Variants in EIF4G1 observed in about 807,000 individuals in gnomAD.
EIF4G1 encodes eukaryotic translation initiation factor 4 gamma 1.
EIF4G1 carries 4 observed loss-of-function variants against 187.8 expected under a neutral mutation model. That is an observed-to-expected ratio of 0.02 (90% confidence interval 0.01 to 0.05). The LOEUF (loss-of-function observed/expected upper bound fraction) is 0.05, where lower values mean the gene tolerates loss of function less well. EIF4G1 is among the 10% of genes least tolerant of loss of function. The pLI is 1.00. For missense variants in EIF4G1, 1,647 were observed against 2,081.1 expected, an observed-to-expected ratio of 0.79 and a Z score of 4.06; for synonymous variants, 844 against 781.4, an observed-to-expected ratio of 1.08 and a Z score of -1.34.
Position 184,322,525 on chromosome 3 carries a change from G to C in EIF4G1, c.1609-19G>C. ...CAGTGGTCATTCTGCAACCAAAACT[G>C]GATGTTCTGTTGTTCTAGGCGAACC... On this transcript the variant is annotated intron_variant, in intron 11 of 32. Coordinates refer to ENST00000346169, the MANE Select transcript of EIF4G1 (RefSeq NM_198241.3). The C allele has an allele frequency of 1.2e-6, 2 of 1,614,052 alleles. No individual in the cohort carries two copies. Among genetic ancestry groups the C allele is most frequent in the Non-Finnish European group, 1.7e-6 (2 of 1,179,996 alleles).
chr3:184,333,756 G>A (rs1237417771), intron 32 of EIF4G1, among the ~76,000 whole-genome samples: 1 of 152,232 alleles, frequency 6.6e-6, no homozygotes, highest in African/African-American at 2.4e-5. Context: ...TTTATTAGCT[G>A]TAAGATAGTG....
intron 22 of EIF4G1, 50 bp downstream of exon 22, chr3:184,326,679 G>A (rs765007185): frequency 1.9e-6 from 3 of 1,594,562 alleles, no homozygotes; most frequent in Admixed American, 3.3e-5. Context: ...GAGCTCCCTT[G>A]AGGACAGAGC....
In EIF4G1 at chr3:184,325,779, TG is replaced by T; in HGVS notation, c.3122-67del. 1 of 1,612,220 alleles carries T rather than the reference TG, an allele frequency of 6.2e-7. No homozygotes were observed. The highest frequency in any genetic ancestry group is 2.2e-5 in the East Asian group (1 of 44,878). On this transcript the variant is annotated intron_variant, in intron 20 of 32. Coordinates refer to ENST00000346169, the MANE Select transcript of EIF4G1 (RefSeq NM_198241.3). This position sits in a 1 kb window ranked among gnomAD's most constrained non-coding sequence, Gnocchi z 5.2. ...AACTGAGGATCTGAGGAAGGGAGGC[TG>T]GGGGTGGCCCAAGGGGAAGGGGCTG...
At chr3:184,331,629 T>C in intron 30 of EIF4G1, 23 bp downstream of exon 30, 1 of 1,559,488 alleles carries the variant, frequency 6.4e-7, no homozygotes, top group Non-Finnish European at 8.6e-7. Flanking sequence ...TGGATATCGA[T>C]AAAGGAAAGG....
At position 184,325,620 on chromosome 3, in the gene EIF4G1, T is replaced by G; in HGVS notation, c.3102T>G (p.Gly1034=). 4 of 1,614,050 alleles carry G rather than the reference T, an allele frequency of 2.5e-6. No individual in the cohort carries two copies. Among genetic ancestry groups the G allele is most frequent in the Non-Finnish European group, 3.4e-6 (4 of 1,180,008 alleles). The change falls in exon 20 of 33, where the codon GGT becomes GGG. Residue 1034 remains glycine (G), a synonymous_variant. Transcript: ENST00000346169. This position sits in a 1 kb window ranked among gnomAD's most constrained non-coding sequence, Gnocchi z 5.2. ...AGGGCAGTGACAAGCGTCGGGGCGG[T>G]CCTCCAGGCCCTCCCATCAGTGAGT... is the stretch of plus-strand genomic sequence containing the variant. The part of the protein sequence containing the change: ...MAKGSDKRRG[G]PPGPPISRGL...
chr3:184,321,052 C>A lies in EIF4G1; in HGVS notation c.697+59C>A, dbSNP rs1723815077. On this transcript the variant is annotated intron_variant, in intron 9 of 32. Transcript: ENST00000346169. ...GAAAGGGAATGTTAACAGTTAAATGCTGAGGTGGTGGAGTGACTTGAACTG... is the reference window on the plus strand; with the variant it reads ...GAAAGGGAATGTTAACAGTTAAATGATGAGGTGGTGGAGTGACTTGAACTG... 3.8e-6 allele frequency: 6 copies of A among 1,588,474 alleles called. No individual in the cohort carries two copies. The South Asian group carries it at 6.8e-5, about 18-fold the overall frequency.
intron 28 of EIF4G1, among the ~76,000 whole-genome samples, chr3:184,329,755 A>G (rs750894284): frequency 1.7e-4 from 26 of 152,250 alleles, no homozygotes; most frequent in Admixed American, 5.2e-4. Flanking sequence ...TATTTGTGAC[A>G]GGAGGCTTTC....
intron 13 of EIF4G1, 27 bp downstream of exon 13, chr3:184,322,981 C>G: frequency 2.5e-6 from 4 of 1,614,092 alleles, no homozygotes; most frequent in Non-Finnish European, 1.7e-6. Flanking sequence ...GGGGAGGGGA[C>G]GATAAGTTTG....
intron 26 of EIF4G1, chr3:184,328,345 C>T (rs936875450): frequency 1.6e-5 from 8 of 497,534 alleles, no homozygotes; most frequent in Admixed American, 3.2e-5. Flanking sequence ...GAGCCGAGAT[C>T]GTGCCATTGC....
Position 184,323,940 on chromosome 3 carries a change from C to T in EIF4G1, c.2435C>T (p.Ser812Phe), listed in dbSNP as rs764491600. ...AAGGCCATTTCAGAGCCCAACTTCT[C>T]TGTGGCCTATGCCAACATGTGCCGC... is the stretch of plus-strand genomic sequence containing the variant. ...FEKAISEPNF[S>F]VAYANMCRCL... The change falls in exon 16 of 33, where the codon TCT (serine) becomes TTT (phenylalanine). Residue 812 changes from serine to phenylalanine, a missense_variant. Ser to Phe is a radical substitution (Grantham distance 155). Around this residue, in one of 11 missense-constraint regions of EIF4G1, gnomAD observed 36 missense variants for 87.6 expected, o/e 0.41. Coordinates refer to ENST00000346169, the MANE Select transcript of EIF4G1 (RefSeq NM_198241.3). The surrounding 1 kb of genome is among the most constrained non-coding windows in gnomAD (Gnocchi z 6.9). 1 of 1,614,104 alleles carries T rather than the reference C, an allele frequency of 6.2e-7. No individual in the cohort carries two copies. Among genetic ancestry groups the T allele is most frequent in the Non-Finnish European group, 8.5e-7 (1 of 1,180,048 alleles).
intron 28 of EIF4G1, chr3:184,329,249 A>G: frequency 1.9e-6 from 1 of 517,974 alleles, no homozygotes. Flanking sequence ...TCATTCATTG[A>G]ACTAGGGTTT....
Position 184,328,891 on chromosome 3 carries a change from G to C in EIF4G1, c.4080-18G>C, listed in dbSNP as rs765509722. On this transcript the variant is annotated intron_variant, in intron 27 of 32. Transcript: ENST00000346169. ...GAACTGTGGAGGCTGTCAGCATTAG[G>C]TTTTTCTCTTCTTGTAGGGAGATTA... 2 of 1,614,170 alleles carry C rather than the reference G, an allele frequency of 1.2e-6. No homozygotes were observed. Among genetic ancestry groups the C allele is most frequent in the South Asian group, 2.2e-5 (2 of 91,078 alleles).
Position 184,323,480 on chromosome 3 carries a change from A to C in EIF4G1, c.2161A>C (p.Met721Leu), listed in dbSNP as rs1222394655. The C allele has an allele frequency of 1.2e-6, 2 of 1,614,244 alleles. No individual in the cohort carries two copies. Among genetic ancestry groups the C allele is most frequent in the East Asian group, 2.2e-5 (1 of 44,880 alleles). Residue 721 changes from methionine to leucine, a missense_variant, in exon 15 of 33, where the codon ATG becomes CTG. This residue lies in a region of EIF4G1 where 140 missense variants were observed against 222.2 expected (regional missense o/e 0.63). Coordinates refer to ENST00000346169, the MANE Select transcript of EIF4G1 (RefSeq NM_198241.3). This position sits in a 1 kb window ranked among gnomAD's most constrained non-coding sequence, Gnocchi z 6.9. The part of the protein sequence containing the change: ...EPRKIIATVL[M>L]TEDIKLNKAE... Reference sequence around the variant, plus strand: ...ACGCAAGATCATTGCCACAGTGTTAATGACCGAAGATATAAAACTGAACAA... The same window carrying C: ...ACGCAAGATCATTGCCACAGTGTTACTGACCGAAGATATAAAACTGAACAA...
At chr3:184,326,091 G>C in intron 21 of EIF4G1, 140 bp downstream of exon 21, 2 of 849,182 alleles carry the variant, frequency 2.4e-6, no homozygotes. Context: ...ACTGCCAGCT[G>C]TAGAGGGAGG....
intron 4 of EIF4G1, chr3:184,316,698 C>T (rs773591278): frequency 1.3e-6 from 2 of 1,594,728 alleles, no homozygotes; most frequent in South Asian, 1.1e-5. Context: ...CTTTCCTATC[C>T]CCATGTGCTC....
chr3:184,328,166 CT>C, intron 26 of EIF4G1, 164 bp downstream of exon 26: 1 of 759,652 alleles, frequency 1.3e-6, no homozygotes, highest in Non-Finnish European at 2.2e-6. Context: ...GGTTGGATTC[CT>C]TAGAGGATCA....
rs369412977 is a variant in EIF4G1 at position 184,327,364 on chromosome 3, C to T, written c.3577C>T (p.Arg1193Trp). ...GAGCTTCAGCAAGGAAGTGGAGGAG[C>T]GGAGTAGAGAACGGCCCTCCCAGCC... ...KRSFSKEVEE[R>W]SRERPSQPEG... Residue 1193 changes from arginine (R) to tryptophan (W), a missense_variant, in exon 24 of 33, where the codon CGG becomes TGG. By Grantham distance (101) the Arg-to-Trp change is moderately radical. This residue lies in a region of EIF4G1 where 543 missense variants were observed against 638.0 expected (regional missense o/e 0.85). Transcript: ENST00000346169. 2.1e-5 allele frequency: 34 copies of T among 1,613,468 alleles called. No homozygotes were observed. The highest frequency in any genetic ancestry group is 5.5e-5 in the South Asian group (5 of 91,088).
chr3:184,320,368 G>C, intron 7 of EIF4G1: 1 of 1,379,002 alleles, frequency 7.3e-7, no homozygotes, highest in Non-Finnish European at 9.4e-7. Context: ...GGGACTGCTG[G>C]TGGGGTAGGG....
Position 184,329,125 on chromosome 3 carries a change from G to T in EIF4G1, c.4161+135G>T, listed in dbSNP as rs190526302. The T allele has an allele frequency of 1.2e-5, 13 of 1,069,330 alleles. No homozygotes were observed. In the African/African-American group the frequency reaches 2.0e-4, roughly 17 times the overall value. 66.2% of individuals were successfully genotyped at this position (1,069,330 alleles called of 1,614,324 possible). A position where few individuals can be genotyped will look rare whatever the true frequency, so the allele number is the denominator to read the frequency against. On this transcript the variant is annotated intron_variant, in intron 28 of 32. Coordinates refer to ENST00000346169, the MANE Select transcript of EIF4G1 (RefSeq NM_198241.3). ...AGGATTGTGTTGGTACCTGGGAGAG[G>T]AAATACTGAGGTGGGCCATCTCCCG...
Sources: allele counts gnomAD v4.1 joint callset (sites outside exome capture counted in the v4.1 genomes callset), GRCh38; gene constraint gnomAD v4.1.1; regional missense constraint gnomAD v4.1.1; non-coding constraint Gnocchi (gnomAD v3.1); transcripts MANE v1.5; gene names NCBI Gene and HGNC (gene_info 2026-07-23, HGNC 2026-07-21).